LRRK2: variants seen among roughly 807,000 people sequenced by gnomAD.
LRRK2 encodes leucine-rich repeat serine/threonine-protein kinase 2.
In LRRK2, 203 loss-of-function variants were observed where a neutral mutation model predicts 302.6. The ratio of observed to expected loss-of-function variants is 0.67; its 90% CI spans 0.60 to 0.75. LRRK2 has a LOEUF of 0.75. Ranked by LOEUF, LRRK2 falls within the 30% of genes least tolerant of loss-of-function variation. The probability of loss-of-function intolerance (pLI) is 0.00; values close to 1 mark genes in which losing one functional copy is unlikely to be tolerated. For missense variants in LRRK2, 2,830 were observed against 2,951.0 expected, an observed-to-expected ratio of 0.96 and a Z score of 0.95; for synonymous variants, 1,066 against 1,031.9, an observed-to-expected ratio of 1.03 and a Z score of -0.63.
chr12:40,300,907 A>G (rs1056321706), intron 25 of LRRK2: 1 of 471,090 alleles, frequency 2.1e-6, no homozygotes, highest in Non-Finnish European at 4.4e-6. Context: ...TTGGGTCTGG[A>G]AAGAGGAGCA....
intron 42 of LRRK2, 47 bp from the exon 43 acceptor site, chr12:40,348,362 A>G (rs1348502891): frequency 7.7e-7 from 1 of 1,292,358 alleles, no homozygotes; most frequent in Non-Finnish European, 1.1e-6. Context: ...AAATATAACC[A>G]TTCTTACTTA....
chr12:40,272,484 G>A (rs1943273286), intron 14 of LRRK2, among the ~76,000 whole-genome samples: 1 of 152,154 alleles, frequency 6.6e-6, no homozygotes, highest in Non-Finnish European at 1.5e-5. Flanking sequence ...GGATTAAGTA[G>A]GTGAATACAT....
In LRRK2 at chr12:40,243,481, G is replaced by T. The variant is rs139365796; in HGVS notation, c.707-69G>T. The T allele has an allele frequency of 1.2e-4, 185 of 1,553,368 alleles. No individual in the cohort carries two copies. The African/African-American group carries it at 2.0e-3, about 17-fold the overall frequency. On this transcript the variant is annotated intron_variant, in intron 6 of 50. Transcript: ENST00000298910. The stretch of plus-strand genomic sequence containing the variant: ...CATCTATTTACAGTCTATATAAGAC[G>T]TCTTTGTATGCATATTTGAAAGGAG...
In LRRK2 at chr12:40,359,242, CTT is replaced by C. The variant is rs72546334; in HGVS notation, c.6844-9_6844-8del. Reference sequence around the variant, plus strand: ...ATACTCAATTTGCTGAGTGTGTTTTCTTTTTTTTTTGGCAAAGCTTAAAGGAG... The same window carrying C: ...ATACTCAATTTGCTGAGTGTGTTTTCTTTTTTTTGGCAAAGCTTAAAGGAG... On this transcript the variant is annotated splice_polypyrimidine_tract_variant and intron_variant, in intron 46 of 50. Transcript: ENST00000298910. The C allele has an allele frequency of 3.9e-6, 5 of 1,283,566 alleles. No homozygotes were observed. The highest frequency in any genetic ancestry group is 1.4e-5 in the African/African-American group (1 of 69,048). The allele number at this position is 1,283,566 out of a possible 1,614,324, so 79.5% of individuals were successfully genotyped here.
chr12:40,246,596 CTTG>C (rs1050470561), intron 7 of LRRK2, among the ~76,000 whole-genome samples: 3 of 152,024 alleles, frequency 2.0e-5, no homozygotes, highest in African/African-American at 7.2e-5. Context: ...GTTGCGGAGC[CTTG>C]TTTTCTTGTA....
Position 40,310,699 on chromosome 12 carries a change from C to G in LRRK2, c.4536+50C>G, listed in dbSNP as rs201232992. The G allele has an allele frequency of 5.1e-6, 8 of 1,576,586 alleles. 1 individual carries two copies. The East Asian group carries it at 1.8e-4, about 35-fold the overall frequency. On this transcript the variant is annotated intron_variant, in intron 31 of 50. Coordinates refer to ENST00000298910, the MANE Select transcript of LRRK2 (RefSeq NM_198578.4). ...ATGTAATTTATTGATTCTCAACTGC[C>G]TAGAAATGTCAGAAATTTTGAGAAG...
intron 41 of LRRK2, among the ~76,000 whole-genome samples, chr12:40,341,844 T>G (rs1946053804): frequency 6.6e-6 from 1 of 152,220 alleles, no homozygotes; most frequent in African/African-American, 2.4e-5. Context: ...GAAGCTTATT[T>G]AATCTTCACT....
chr12:40,275,021 G>C (rs1943389135), intron 16 of LRRK2, 28 bp downstream of exon 16: 4 of 1,613,152 alleles, frequency 2.5e-6, no homozygotes, highest in Non-Finnish European at 3.4e-6. Context: ...GAAAGAATTT[G>C]GGAACTTGTG....
At chr12:40,320,975 G>A (rs1945383839) in intron 34 of LRRK2, 59 bp from the exon 35 acceptor site, 2 of 1,569,936 alleles carry the variant, frequency 1.3e-6, no homozygotes, top group African/African-American at 1.4e-5. Context: ...AAAATCATTT[G>A]CTCAACAAGG....
chr12:40,295,635 G>C lies in LRRK2; in HGVS notation c.3087G>C (p.Gln1029His). The change falls in exon 23 of 51, where the codon CAG becomes CAC. Residue 1029 changes from glutamine (Q) to histidine (H), a missense_variant. Gln to His is a conservative substitution (Grantham distance 24). Coordinates refer to ENST00000298910, the MANE Select transcript of LRRK2 (RefSeq NM_198578.4). Reference sequence around the variant, plus strand: ...ATGCACTCACGAGCTTTCCACAACAGCTATGTGAAGTAAATTTAATTTATC... The same window carrying C: ...ATGCACTCACGAGCTTTCCACAACACCTATGTGAAGTAAATTTAATTTATC... Reference protein sequence around the residue: ...HQNALTSFPQQLCETLKSLTH... With the variant: ...HQNALTSFPQHLCETLKSLTH... The C allele has an allele frequency of 6.2e-7, 1 of 1,613,418 alleles. No individual in the cohort carries two copies. Among genetic ancestry groups the C allele is most frequent in the South Asian group, 1.1e-5 (1 of 91,036 alleles).
chr12:40,225,950 G>A (rs2136368374), intron 2 of LRRK2, among the ~76,000 whole-genome samples: 1 of 152,278 alleles, frequency 6.6e-6, no homozygotes, highest in African/African-American at 2.4e-5. Flanking sequence ...GAATTCATTA[G>A]TGTTTAGACT....
At position 40,364,956 on chromosome 12, in the gene LRRK2, C is replaced by T. The variant is rs199964631; in HGVS notation, c.7296C>T (p.Gly2432=). The T allele has an allele frequency of 2.1e-5, 34 of 1,612,488 alleles. No homozygotes were observed. Among genetic ancestry groups the T allele is most frequent in the Middle Eastern group, 3.3e-4 (2 of 6,046 alleles). Residue 2432 remains glycine, a synonymous_variant, in exon 49 of 51, where the codon GGC becomes GGT. Coordinates refer to ENST00000298910, the MANE Select transcript of LRRK2 (RefSeq NM_198578.4). ...CTCTTTGGATAGGAACTGGAGGAGG[C>T]CATATTTTACTCCTGGATCTTTCAA... ...NTALWIGTGG[G]HILLLDLSTR... is the part of the protein sequence containing the mutation.
intron 30 of LRRK2, 24 bp from the exon 31 acceptor site, chr12:40,310,407 A>T (rs777195320): frequency 1.2e-6 from 2 of 1,610,694 alleles, no homozygotes; most frequent in Non-Finnish European, 1.7e-6. Flanking sequence ...CAAACACAAG[A>T]GGGTTTTGTG....
At chr12:40,249,643 C>G (rs780028219) in intron 7 of LRRK2, among the ~76,000 whole-genome samples, 183 bp from the exon 8 acceptor site, 20 of 152,024 alleles carry the variant, frequency 1.3e-4, no homozygotes, top group Non-Finnish European at 2.5e-4. Context: ...AATTAAAGGA[C>G]AGCATAAAAT....
chr12:40,364,411 T>TG (rs1946811366), intron 48 of LRRK2, among the ~76,000 whole-genome samples: 3 of 152,022 alleles, frequency 2.0e-5, no homozygotes, highest in Admixed American at 2.0e-4. Flanking sequence ...TCACTGGTTC[T>TG]GGGAAAAAAT....
At chr12:40,329,017 G>C (rs1945632425) in intron 39 of LRRK2, among the ~76,000 whole-genome samples, 1 of 152,100 alleles carries the variant, frequency 6.6e-6, no homozygotes, top group African/African-American at 2.4e-5. Context: ...TGTGTGTTCA[G>C]GGTGAAAGAA....
chr12:40,287,369 CAAG>C lies in LRRK2; in HGVS notation c.2522_2524del (p.Arg841del). 1 of 1,612,088 alleles carries C rather than the reference CAAG, an allele frequency of 6.2e-7. No individual in the cohort carries two copies. On this transcript the variant is annotated inframe_deletion, in exon 20 of 51. Transcript: ENST00000298910. ...TTTTCAGATATAGCATCTACACTAG[CAAG>C]AATGGTGATCAGATATCAGATGAAA... is the stretch of plus-strand genomic sequence containing the variant.
chr12:40,326,643 C>T (rs1446159190), intron 38 of LRRK2, among the ~76,000 whole-genome samples: 1 of 152,030 alleles, frequency 6.6e-6, no homozygotes, highest in Non-Finnish European at 1.5e-5. Flanking sequence ...CTATATGTTT[C>T]CATCTCTCCG....
In LRRK2 at chr12:40,305,996, C is replaced by T. The variant is rs781209389; in HGVS notation, c.3959+30C>T. 4 of 1,537,324 alleles carry T rather than the reference C, an allele frequency of 2.6e-6. 1 individual carries two copies. In the South Asian group the frequency reaches 4.6e-5, roughly 18 times the overall value. On this transcript the variant is annotated intron_variant, in intron 28 of 50. Coordinates refer to ENST00000298910, the MANE Select transcript of LRRK2 (RefSeq NM_198578.4). ...GATAATTTTTTTCTATTTGGTTTTA[C>T]TAAATTTATTTCAGATTTTCTACTC...
Sources: allele counts gnomAD v4.1 joint callset (sites outside exome capture counted in the v4.1 genomes callset), GRCh38; gene constraint gnomAD v4.1.1; transcripts MANE v1.5; gene names NCBI Gene and HGNC (gene_info 2026-07-23, HGNC 2026-07-21).